CACNA2D3: variants seen among roughly 807,000 people sequenced by gnomAD.
CACNA2D3 encodes the protein calcium voltage-gated channel auxiliary subunit alpha2delta 3.
Under a neutral mutation model 160.6 loss-of-function variants are expected in CACNA2D3, and 60 were observed. The observed-to-expected ratio is 0.37, with a 90% CI of 0.30 to 0.46. CACNA2D3 has a LOEUF of 0.46. Among genes scored for constraint, CACNA2D3 ranks in the 20% least tolerant of loss-of-function variants. The pLI, the probability that CACNA2D3 is intolerant of heterozygous loss-of-function variation, is 1.00. For synonymous variants in CACNA2D3, 558 were observed against 492.9 expected (o/e 1.13, Z -1.75); for missense variants, 1,205 against 1,365.0 (o/e 0.88, Z 1.85).
chr3:54,277,309 A>G (rs61446413), intron 2 of CACNA2D3, among the ~76,000 whole-genome samples: 14,115 of 152,218 alleles, frequency 0.093, 834 homozygotes, highest in East Asian at 0.3. Context: ...TTTGTATACG[A>G]TGTCACGAAG....
chr3:54,466,430 G>C (rs1430956090), intron 4 of CACNA2D3, among the ~76,000 whole-genome samples: 1 of 152,178 alleles, frequency 6.6e-6, no homozygotes, highest in Non-Finnish European at 1.5e-5. Context: ...CAAGCTAACA[G>C]AGAAAAGGAA....
intron 2 of CACNA2D3, among the ~76,000 whole-genome samples, chr3:54,141,397 A>C (rs35243089): frequency 0.066 from 10,054 of 152,168 alleles, 479 homozygotes; most frequent in East Asian, 0.25. Context: ...ATAGTGACTT[A>C]AGCCTCCCAA....
At chr3:55,061,013 A>G (rs1704494050) in intron 35 of CACNA2D3, among the ~76,000 whole-genome samples, 2 of 152,284 alleles carry the variant, frequency 1.3e-5, no homozygotes, top group South Asian at 4.1e-4. Flanking sequence ...GTAGGTCGGC[A>G]CCATAAATCT....
At chr3:54,209,767 T>C (rs776076292) in intron 2 of CACNA2D3, among the ~76,000 whole-genome samples, 6 of 152,248 alleles carry the variant, frequency 3.9e-5, no homozygotes, top group Non-Finnish European at 8.8e-5. Context: ...TTCTAAAGTA[T>C]ACGTTGGCTG....
intron 11 of CACNA2D3, among the ~76,000 whole-genome samples, chr3:54,665,456 C>A (rs1700047364): frequency 6.6e-6 from 1 of 152,168 alleles, no homozygotes; most frequent in Admixed American, 6.5e-5. Flanking sequence ...TTATTTACAG[C>A]CACAGAACTT....
At chr3:54,402,979 T>G (rs1173203220) in intron 4 of CACNA2D3, among the ~76,000 whole-genome samples, 1 of 152,130 alleles carries the variant, frequency 6.6e-6, no homozygotes, top group Non-Finnish European at 1.5e-5. Context: ...TAGGAAGATT[T>G]TTGGAAAAGT....
At chr3:54,994,598 C>A (rs559103965) in intron 31 of CACNA2D3, among the ~76,000 whole-genome samples, 2 of 152,336 alleles carry the variant, frequency 1.3e-5, no homozygotes, top group African/African-American at 4.8e-5. Context: ...CTGCCCTCAT[C>A]TTCATCATCA....
At chr3:54,259,418 C>T (rs1702364010) in intron 2 of CACNA2D3, among the ~76,000 whole-genome samples, 2 of 151,908 alleles carry the variant, frequency 1.3e-5, no homozygotes, top group Admixed American at 6.6e-5. Flanking sequence ...CTTGTCTAAA[C>T]AAGTATACAG....
At chr3:54,626,610 C>T in intron 9 of CACNA2D3, 3 of 1,348,742 alleles carry the variant, frequency 2.2e-6, no homozygotes, top group Admixed American at 2.0e-5. Context: ...GGCCCGGCAT[C>T]GGGGCCAGCC....
intron 11 of CACNA2D3, among the ~76,000 whole-genome samples, chr3:54,671,751 C>T (rs1444654218): frequency 1.3e-5 from 2 of 152,138 alleles, no homozygotes; most frequent in Non-Finnish European, 2.9e-5. Flanking sequence ...TGAAGCAGCC[C>T]TGGAAATGTA....
At chr3:54,210,499 T>C (rs138156679) in intron 2 of CACNA2D3, among the ~76,000 whole-genome samples, 40 of 152,136 alleles carry the variant, frequency 2.6e-4, no homozygotes, top group African/African-American at 9.6e-4. Flanking sequence ...AAAATATGTT[T>C]AAAAATCTGG....
chr3:55,027,876 A>G (rs1415929060), intron 35 of CACNA2D3, among the ~76,000 whole-genome samples: 1 of 152,212 alleles, frequency 6.6e-6, no homozygotes, highest in Non-Finnish European at 1.5e-5. Flanking sequence ...CCATAGAGCA[A>G]CAATCCCAAA....
At chr3:55,058,690 T>C (rs2107217383) in intron 35 of CACNA2D3, among the ~76,000 whole-genome samples, 1 of 152,292 alleles carries the variant, frequency 6.6e-6, no homozygotes, top group South Asian at 2.1e-4. Flanking sequence ...ATGTGATTCC[T>C]ATTCATTGCA....
intron 35 of CACNA2D3, among the ~76,000 whole-genome samples, chr3:55,026,133 C>T (rs901477541): frequency 6.6e-6 from 1 of 152,126 alleles, no homozygotes; most frequent in African/African-American, 2.4e-5. Flanking sequence ...CTAAGTGTAA[C>T]CTCACTGACC....
chr3:54,987,549 C>T (rs958683767), intron 30 of CACNA2D3, 134 bp from the exon 31 acceptor site: 64 of 566,172 alleles, frequency 1.1e-4, no homozygotes, highest in Non-Finnish European at 1.8e-4. Flanking sequence ...CTGTTAAAAC[C>T]TTTTCCACTT....
chr3:54,663,888 G>A (rs143946241), intron 11 of CACNA2D3, among the ~76,000 whole-genome samples: 219 of 152,296 alleles, frequency 1.4e-3, no homozygotes, highest in Middle Eastern at 6.8e-3. Flanking sequence ...CCCTTCTTGC[G>A]TCCTGATGGT....
At chr3:54,429,926 T>G (rs1254478181) in intron 4 of CACNA2D3, among the ~76,000 whole-genome samples, 2 of 152,172 alleles carry the variant, frequency 1.3e-5, no homozygotes, top group Non-Finnish European at 2.9e-5. Context: ...TCCCAGTCAT[T>G]GGGAAGAAAA....
intron 2 of CACNA2D3, among the ~76,000 whole-genome samples, chr3:54,185,594 C>A (rs1399227688): frequency 1.3e-5 from 2 of 152,094 alleles, no homozygotes; most frequent in African/African-American, 4.8e-5. Context: ...ATCCTGTAGA[C>A]CAAAGGATCA....
chr3:54,492,489 C>T (rs777619976), intron 4 of CACNA2D3, among the ~76,000 whole-genome samples: 1 of 152,182 alleles, frequency 6.6e-6, no homozygotes, highest in South Asian at 2.1e-4. Flanking sequence ...ATCTTCCTCA[C>T]CCTCTGAGCA....
Sources: gnomAD v4.1 joint callset for allele counts (sites outside exome capture counted in the v4.1 genomes callset) on GRCh38, gnomAD v4.1.1 for gene constraint, MANE v1.5 for transcripts, NCBI Gene and HGNC (gene_info 2026-07-23, HGNC 2026-07-21) for gene names.